UBA6: variants seen among roughly 807,000 people sequenced by gnomAD.
UBA6 encodes ubiquitin like modifier activating enzyme 6.
UBA6 carries 87 observed loss-of-function variants against 148.3 expected under a neutral mutation model. That is an observed-to-expected ratio of 0.59 (90% CI 0.49 to 0.70). UBA6 has a LOEUF of 0.70. Ranked by LOEUF, UBA6 falls within the 30% of genes least tolerant of loss-of-function variation. The probability of loss-of-function intolerance (pLI) is 0.00; values close to 1 mark genes in which losing one functional copy is unlikely to be tolerated. For missense variants in UBA6, 1,186 were observed against 1,241.2 expected, an observed-to-expected ratio of 0.96 and a Z score of 0.67; for synonymous variants, 376 against 401.0, an observed-to-expected ratio of 0.94 and a Z score of 0.75.
At chr4:67,651,160 C>G (rs2109921851) in intron 13 of UBA6, among the ~76,000 whole-genome samples, 1 of 152,064 alleles carries the variant, frequency 6.6e-6, no homozygotes, top group East Asian at 1.9e-4. Context: ...AAATCCACAC[C>G]CCCACAACTA....
At chr4:67,657,095 G>A (rs761714092) in intron 13 of UBA6, among the ~76,000 whole-genome samples, 13 of 152,040 alleles carry the variant, frequency 8.6e-5, no homozygotes, top group South Asian at 6.2e-4. Context: ...TCATTAAAAC[G>A]CCCATACTGC....
chr4:67,668,039 A>G (rs1018374794), intron 9 of UBA6, among the ~76,000 whole-genome samples: 6 of 152,122 alleles, frequency 3.9e-5, no homozygotes, highest in African/African-American at 1.4e-4. Flanking sequence ...CTTATCTCCA[A>G]AACCTACTCC....
intron 17 of UBA6, among the ~76,000 whole-genome samples, chr4:67,643,639 C>T (rs747358926): frequency 1.3e-5 from 2 of 151,886 alleles, no homozygotes; most frequent in African/African-American, 4.8e-5. Context: ...AGGATTTTTT[C>T]TTCTCTCTTG....
chr4:67,624,403 G>C (rs1190242149), intron 29 of UBA6, 150 bp from the exon 30 acceptor site: 15 of 608,152 alleles, frequency 2.5e-5, no homozygotes, highest in Non-Finnish European at 3.7e-5. Context: ...TCTTATTACA[G>C]GTCTGTATAC....
chr4:67,622,208 T>C (rs1198861773), intron 32 of UBA6, among the ~76,000 whole-genome samples: 1 of 152,260 alleles, frequency 6.6e-6, no homozygotes, highest in Non-Finnish European at 1.5e-5. Context: ...TAGCTTTCTT[T>C]GGTTCTTTCT....
intron 2 of UBA6, among the ~76,000 whole-genome samples, chr4:67,695,698 TACA>T (rs927412827): frequency 1.3e-3 from 193 of 152,326 alleles, no homozygotes; most frequent in African/African-American, 4.3e-3. Flanking sequence ...TTAACCCTTA[TACA>T]ACAACTTAAG....
chr4:67,637,308 A>T (rs1729183233), intron 19 of UBA6, among the ~76,000 whole-genome samples: 1 of 144,854 alleles, frequency 6.9e-6, no homozygotes, highest in South Asian at 2.2e-4. Flanking sequence ...CCCGTCCGGG[A>T]GGGAGGTGGG....
At chr4:67,633,053 T>A (rs1272463185) in intron 23 of UBA6, among the ~76,000 whole-genome samples, 1 of 152,184 alleles carries the variant, frequency 6.6e-6, no homozygotes, top group Non-Finnish European at 1.5e-5. Flanking sequence ...ATTTATTATT[T>A]CTATTTTACA....
At chr4:67,686,857 G>C (rs1017956815) in intron 2 of UBA6, among the ~76,000 whole-genome samples, 1 of 149,626 alleles carries the variant, frequency 6.7e-6, no homozygotes, top group African/African-American at 2.5e-5. Context: ...AGGAGGCTGA[G>C]GTGGGAGGAT....
At chr4:67,692,246 C>A (rs1227034490) in intron 2 of UBA6, among the ~76,000 whole-genome samples, 1 of 152,150 alleles carries the variant, frequency 6.6e-6, no homozygotes, top group Non-Finnish European at 1.5e-5. Context: ...CAATGAGTTT[C>A]TAGACGCCAT....
In UBA6 at chr4:67,614,171, C is replaced by T. The variant is rs992318865; in HGVS notation, c.*4826G>A. 6.6e-6 allele frequency: 1 copy of T among 152,240 alleles called. No homozygotes were observed. 9.4% of individuals were successfully genotyped at this position (152,240 alleles called of 1,614,324 possible). A position where few individuals can be genotyped will look rare whatever the true frequency, so the allele number is the denominator to read the frequency against. ...TATTGATCCCAGGTCTTCAGATAAA[C>T]TCGACCAATTGTCAACCAGAAAATG... is the stretch of plus-strand genomic sequence containing the variant. On this transcript the variant is annotated 3_prime_UTR_variant, in exon 33 of 33. Coordinates refer to ENST00000322244, the MANE Select transcript of UBA6 (RefSeq NM_018227.6).
chr4:67,655,105 C>A (rs909741469), intron 13 of UBA6, among the ~76,000 whole-genome samples: 3 of 152,172 alleles, frequency 2.0e-5, no homozygotes, highest in Non-Finnish European at 4.4e-5. Flanking sequence ...GACTTTAACA[C>A]CCCACTGTCA....
intron 13 of UBA6, among the ~76,000 whole-genome samples, chr4:67,660,989 T>C (rs1729836822): frequency 1.3e-5 from 2 of 152,194 alleles, no homozygotes; most frequent in Admixed American, 6.5e-5. Context: ...TTATAGTGCA[T>C]GGGGCCTGAA....
At chr4:67,697,487 A>C (rs1458786152) in intron 1 of UBA6, among the ~76,000 whole-genome samples, 1 of 152,240 alleles carries the variant, frequency 6.6e-6, no homozygotes, top group Non-Finnish European at 1.5e-5. Context: ...TACAACTGCC[A>C]AAACAATAAC....
At chr4:67,700,398 A>G (rs1294237780) in intron 1 of UBA6, among the ~76,000 whole-genome samples, 2 of 152,240 alleles carry the variant, frequency 1.3e-5, no homozygotes, top group Non-Finnish European at 2.9e-5. Flanking sequence ...AAGAGGAACT[A>G]CTAACCAAGA....
At chr4:67,697,027 T>G (rs1306495008) in intron 1 of UBA6, among the ~76,000 whole-genome samples, 1 of 152,112 alleles carries the variant, frequency 6.6e-6, no homozygotes, top group Non-Finnish European at 1.5e-5. Flanking sequence ...TTTTTTGAGA[T>G]GGGAGTCTCA....
At chr4:67,675,922 C>G (rs1321790215) in intron 6 of UBA6, among the ~76,000 whole-genome samples, 1 of 151,936 alleles carries the variant, frequency 6.6e-6, no homozygotes, top group Non-Finnish European at 1.5e-5. Context: ...ACTGGAATAC[C>G]CTGTAACTTA....
intron 2 of UBA6, among the ~76,000 whole-genome samples, chr4:67,694,387 G>A (rs558639381): frequency 1.5e-4 from 23 of 148,850 alleles, no homozygotes; most frequent in African/African-American, 5.6e-4. Flanking sequence ...TTTGGTCTTT[G>A]TATTTCTTTT....
intron 2 of UBA6, among the ~76,000 whole-genome samples, chr4:67,690,088 T>C (rs1244817563): frequency 1.3e-5 from 2 of 152,092 alleles, no homozygotes; most frequent in Non-Finnish European, 2.9e-5. Context: ...GAAGGTATTT[T>C]TGAGGCACAA....
Sources: allele counts gnomAD v4.1 joint callset (sites outside exome capture counted in the v4.1 genomes callset), GRCh38; gene constraint gnomAD v4.1.1; transcripts MANE v1.5; gene names NCBI Gene and HGNC (gene_info 2026-07-23, HGNC 2026-07-21).